The following MACROD2 variants were observed in gnomAD, a reference collection of about 807,000 sequenced individuals.
MACROD2 encodes the protein mono-ADP ribosylhydrolase 2, also known as ADP-ribose glycohydrolase MACROD2.
MACROD2 carries 36 observed loss-of-function variants against 70.4 expected under a neutral mutation model. That is an observed-to-expected ratio of 0.51 (90% CI 0.39 to 0.68). The LOEUF is 0.68. Ranked by LOEUF, MACROD2 falls within the 30% of genes least tolerant of loss-of-function variation. MACROD2 has a pLI of 0.00. For synonymous variants in MACROD2, 172 were observed against 178.8 expected (o/e 0.96, Z 0.30); for missense variants, 496 against 538.4 (o/e 0.92, Z 0.78).
intron 3 of MACROD2, among the ~76,000 whole-genome samples, chr20:14,382,242 A>C (rs1457863407): frequency 1.3e-5 from 2 of 151,612 alleles, no homozygotes; most frequent in African/African-American, 4.8e-5. Flanking sequence ...TTGTATTTTT[A>C]GTAGAGACGG....
Position 15,469,919 on chromosome 20 carries a change from G to A in MACROD2, c.572-29855G>A, listed in dbSNP as rs189374355. On this transcript the variant is annotated intron_variant, in intron 7 of 17. Coordinates refer to ENST00000684519, the MANE Select transcript of MACROD2 (RefSeq NM_001351661.2). ...TTCCACTTTCTAGAGGCACAGGTAAGTTAAGCAATTTGCTCTAGGCCTCAC... is the reference window on the plus strand; with the variant it reads ...TTCCACTTTCTAGAGGCACAGGTAAATTAAGCAATTTGCTCTAGGCCTCAC... Among the ~76,000 whole-genome samples, 10 of 152,276 alleles carry A rather than the reference G, an allele frequency of 6.6e-5. No homozygotes were observed. In the East Asian group the frequency reaches 1.2e-3, roughly 18 times the overall value.
At chr20:15,473,561 C>T (rs1047033553) in intron 7 of MACROD2, among the ~76,000 whole-genome samples, 24 of 152,174 alleles carry the variant, frequency 1.6e-4, no homozygotes, top group African/African-American at 5.3e-4. Flanking sequence ...TGAATTTCAA[C>T]TGTTTGTAGT....
intron 5 of MACROD2, among the ~76,000 whole-genome samples, chr20:15,029,507 C>T (rs553104729): frequency 4.7e-4 from 72 of 152,212 alleles, no homozygotes; most frequent in African/African-American, 1.5e-3. Context: ...ACAACTTTTC[C>T]GATGAGGCTG....
intron 3 of MACROD2, among the ~76,000 whole-genome samples, chr20:14,429,856 G>A (rs940518356): frequency 6.6e-6 from 1 of 152,172 alleles, no homozygotes; most frequent in Non-Finnish European, 1.5e-5. Context: ...ATTTGGTGGT[G>A]TGACCTTCAT....
At chr20:15,278,069 G>A (rs1231346546) in intron 6 of MACROD2, among the ~76,000 whole-genome samples, 1 of 152,074 alleles carries the variant, frequency 6.6e-6, no homozygotes, top group African/African-American at 2.4e-5. Flanking sequence ...AAAACCTCAG[G>A]GTCCCAGTGA....
rs372806673 is a variant in MACROD2 at position 14,426,856 on chromosome 20, G to T, written c.272-66623G>T. Among the ~76,000 whole-genome samples the T allele has an allele frequency of 2.0e-5, 3 of 152,248 alleles. No homozygotes were observed. In the East Asian group the frequency reaches 5.8e-4, roughly 29 times the overall value. On this transcript the variant is annotated intron_variant, in intron 3 of 17. Coordinates refer to ENST00000684519, the MANE Select transcript of MACROD2 (RefSeq NM_001351661.2). ...CAGTGTGTTTTCCACTGTTAACTATGCAGAGACCTTTTACTTTACCCCTTA... is the reference window on the plus strand; with the variant it reads ...CAGTGTGTTTTCCACTGTTAACTATTCAGAGACCTTTTACTTTACCCCTTA...
chr20:14,488,214 T>C (rs989463999), intron 3 of MACROD2, among the ~76,000 whole-genome samples: 49 of 152,246 alleles, frequency 3.2e-4, no homozygotes, highest in African/African-American at 1.1e-3. Context: ...CTTGTATAAT[T>C]ATAACCATAA....
At chr20:15,737,552 A>G (rs983848000) in intron 8 of MACROD2, among the ~76,000 whole-genome samples, 5 of 152,198 alleles carry the variant, frequency 3.3e-5, no homozygotes, top group African/African-American at 1.2e-4. Flanking sequence ...ATGTGCATGA[A>G]AATGTTCAGG....
chr20:15,420,652 G>GA (rs922595426), intron 6 of MACROD2, among the ~76,000 whole-genome samples: 3 of 151,936 alleles, frequency 2.0e-5, no homozygotes, highest in Admixed American at 6.6e-5. Context: ...ATTTTATATT[G>GA]AAAAAAACTT....
chr20:15,302,455 G>T (rs62205200), intron 6 of MACROD2, among the ~76,000 whole-genome samples: 44,353 of 151,836 alleles, frequency 0.29, 6,755 homozygotes, highest in African/African-American at 0.36. Context: ...CTTGTCTGCT[G>T]TTTGCCTTAC....
At chr20:15,908,980 T>G (rs756643919) in intron 10 of MACROD2, among the ~76,000 whole-genome samples, 1 of 152,222 alleles carries the variant, frequency 6.6e-6, no homozygotes, top group Non-Finnish European at 1.5e-5. Context: ...TGGCTTAAAA[T>G]AATGACATTT....
intron 8 of MACROD2, among the ~76,000 whole-genome samples, chr20:15,862,264 G>A (rs1167868521): frequency 2.6e-5 from 4 of 152,162 alleles, no homozygotes; most frequent in Non-Finnish European, 5.9e-5. Flanking sequence ...CAACTAAACT[G>A]CATGGAAGCT....
chr20:14,413,897 G>C (rs2083775604), intron 3 of MACROD2, among the ~76,000 whole-genome samples: 1 of 17,116 alleles, frequency 5.8e-5, no homozygotes, highest in African/African-American at 9.9e-5. Context: ...TATATACTCA[G>C]TGTCTACCTT....
At chr20:15,777,681 G>A (rs1478383311) in intron 8 of MACROD2, among the ~76,000 whole-genome samples, 2 of 141,438 alleles carry the variant, frequency 1.4e-5, no homozygotes, top group African/African-American at 5.3e-5. Flanking sequence ...GTCTCACTCT[G>A]TTGCCCAGAC....
At chr20:14,155,613 A>G (rs1180000527) in intron 3 of MACROD2, among the ~76,000 whole-genome samples, 1 of 152,194 alleles carries the variant, frequency 6.6e-6, no homozygotes, top group Non-Finnish European at 1.5e-5. Flanking sequence ...ACAAGTCAAG[A>G]TAAATGTGTT....
intron 10 of MACROD2, among the ~76,000 whole-genome samples, chr20:15,918,834 G>A (rs2065358618): frequency 6.6e-6 from 1 of 152,086 alleles, no homozygotes; most frequent in Admixed American, 6.5e-5. Context: ...CCTCCTCATG[G>A]GGCTCCACCT....
intron 4 of MACROD2, among the ~76,000 whole-genome samples, chr20:14,558,725 T>G (rs1346281519): frequency 6.6e-6 from 1 of 151,756 alleles, no homozygotes; most frequent in Non-Finnish European, 1.5e-5. Flanking sequence ...CTTAAATTCT[T>G]TAAACCTTAC....
intron 5 of MACROD2, among the ~76,000 whole-genome samples, chr20:14,791,629 C>A (rs1568798116): frequency 6.6e-6 from 1 of 152,000 alleles, no homozygotes; most frequent in Non-Finnish European, 1.5e-5. Context: ...AGACATGAAT[C>A]AAAGACTCTT....
intron 5 of MACROD2, among the ~76,000 whole-genome samples, chr20:15,055,509 C>T (rs964706252): frequency 6.6e-6 from 1 of 152,142 alleles, no homozygotes; most frequent in Non-Finnish European, 1.5e-5. Flanking sequence ...TGTATTTTCT[C>T]CCCCTCTTTC....
Sources: gnomAD v4.1 joint callset for allele counts (sites outside exome capture counted in the v4.1 genomes callset) on GRCh38, gnomAD v4.1.1 for gene constraint, MANE v1.5 for transcripts, NCBI Gene and HGNC (gene_info 2026-07-23, HGNC 2026-07-21) for gene names.